Variants in BBX observed in about 807,000 individuals in gnomAD.
BBX encodes the protein HMG box transcription factor BBX.
In BBX, 30 loss-of-function variants were observed where a neutral mutation model predicts 100.2. The observed-to-expected ratio is 0.30, with a 90% confidence interval of 0.22 to 0.41. The LOEUF is 0.41. Ranked by LOEUF, BBX falls within the 10% of genes least tolerant of loss-of-function variation. The probability of loss-of-function intolerance (pLI) is 1.00; values close to 1 mark genes in which losing one functional copy is unlikely to be tolerated. For synonymous variants in BBX, 376 were observed against 388.1 expected (o/e 0.97, Z 0.37); for missense variants, 1,023 against 1,129.8 (o/e 0.91, Z 1.35).
At chr3:107,672,035 A>G (rs1388402837) in intron 3 of BBX, among the ~76,000 whole-genome samples, 1 of 152,038 alleles carries the variant, frequency 6.6e-6, no homozygotes, top group Non-Finnish European at 1.5e-5. Flanking sequence ...TGATATCCAC[A>G]TGTAGTGTAT....
intron 3 of BBX, among the ~76,000 whole-genome samples, chr3:107,665,458 G>C (rs2058687386): frequency 6.6e-6 from 1 of 152,080 alleles, no homozygotes; most frequent in Non-Finnish European, 1.5e-5. Flanking sequence ...CTTTGTCACT[G>C]TCTGAGCACC....
At chr3:107,754,477 T>C (rs932013288) in intron 9 of BBX, among the ~76,000 whole-genome samples, 15 of 152,210 alleles carry the variant, frequency 9.9e-5, no homozygotes, top group African/African-American at 3.6e-4. Context: ...GAAAGAGTCC[T>C]CATAACTTCC....
At chr3:107,538,925 A>G (rs1221562915) in intron 2 of BBX, among the ~76,000 whole-genome samples, 1 of 152,010 alleles carries the variant, frequency 6.6e-6, no homozygotes, top group Non-Finnish European at 1.5e-5. Context: ...GGACCACAGG[A>G]ACATGCCACC....
intron 7 of BBX, among the ~76,000 whole-genome samples, chr3:107,744,167 A>G (rs2064372007): frequency 6.6e-6 from 1 of 152,104 alleles, no homozygotes; most frequent in Non-Finnish European, 1.5e-5. Flanking sequence ...TTGAGTATCT[A>G]CATTGTGCCC....
chr3:107,574,102 T>A (rs1382735693), intron 2 of BBX, among the ~76,000 whole-genome samples: 1 of 152,252 alleles, frequency 6.6e-6, no homozygotes, highest in East Asian at 1.9e-4. Context: ...TATAAATAGA[T>A]AGTAAAAATA....
At chr3:107,661,571 G>A (rs1187595575) in intron 3 of BBX, among the ~76,000 whole-genome samples, 1 of 152,122 alleles carries the variant, frequency 6.6e-6, no homozygotes, top group South Asian at 2.1e-4. Context: ...ATGGTTGACG[G>A]TATCACAGAT....
intron 5 of BBX, 69 bp downstream of exon 5, chr3:107,716,918 A>G: frequency 1.3e-6 from 2 of 1,554,214 alleles, no homozygotes; most frequent in African/African-American, 2.7e-5. Context: ...GTCAACAAAT[A>G]TGAAGCACCT....
chr3:107,694,350 T>C (rs34546616), intron 3 of BBX, among the ~76,000 whole-genome samples: 29,338 of 116,772 alleles, frequency 0.25, 2,814 homozygotes, highest in East Asian at 0.74. Flanking sequence ...ATAGCTCTTA[T>C]TATTTTGAGA....
In BBX at chr3:107,742,035, T is replaced by G. The variant is rs949917718; in HGVS notation, c.670-2595T>G. 5.9e-5 allele frequency among the ~76,000 whole-genome samples: 9 copies of G among 152,222 alleles called. 1 individual carries two copies. The highest frequency in any genetic ancestry group is 1.4e-4 in the African/African-American group (6 of 41,470). On this transcript the variant is annotated intron_variant, in intron 7 of 17. Transcript: ENST00000325805. ...AGATTTTAGATCCCCAGAAGAAATATGTCTAACCTGTATCACACAGATTTC... is the reference window on the plus strand; with the variant it reads ...AGATTTTAGATCCCCAGAAGAAATAGGTCTAACCTGTATCACACAGATTTC...
At chr3:107,558,613 G>T (rs772348006) in intron 2 of BBX, among the ~76,000 whole-genome samples, 1 of 152,164 alleles carries the variant, frequency 6.6e-6, no homozygotes, top group African/African-American at 2.4e-5. Flanking sequence ...TGGGCAAGTT[G>T]GCTCTCAAGC....
chr3:107,727,662 A>G (rs544523862), intron 5 of BBX, among the ~76,000 whole-genome samples: 1 of 152,270 alleles, frequency 6.6e-6, no homozygotes, highest in Non-Finnish European at 1.5e-5. Flanking sequence ...TATCTATATT[A>G]CAGTTTTCAT....
rs115077155 is a variant in BBX, at chr3:107,582,771, G to A, written c.-84+56373G>A. ...TAGTTTTAAAATTTTTTAATGTAAC[G>A]GTTAGATTTAAACTTTTCAATAATG... On this transcript the variant is annotated intron_variant, in intron 2 of 17. Coordinates refer to ENST00000325805, the MANE Select transcript of BBX (RefSeq NM_001142568.3). Among the ~76,000 whole-genome samples, 643 of 151,972 alleles carry A rather than the reference G, an allele frequency of 4.2e-3. 5 individuals carry two copies. The highest frequency in any genetic ancestry group is 0.015 in the African/African-American group (618 of 41,480).
intron 3 of BBX, among the ~76,000 whole-genome samples, chr3:107,696,120 A>G (rs1214426588): frequency 1.3e-5 from 2 of 151,748 alleles, no homozygotes; most frequent in East Asian, 3.8e-4. Flanking sequence ...TCCTGAATAT[A>G]GCACACTGAT....
chr3:107,697,636 A>C (rs906961107), intron 3 of BBX, among the ~76,000 whole-genome samples: 3 of 151,870 alleles, frequency 2.0e-5, no homozygotes, highest in Non-Finnish European at 4.4e-5. Context: ...TGAGGAGGTT[A>C]CTGCTGTCTT....
rs760152857 is a variant in BBX at position 107,798,525 on chromosome 3, A to T, written c.2356A>T (p.Ile786Leu). 2 of 1,613,650 alleles carry T rather than the reference A, an allele frequency of 1.2e-6. No homozygotes were observed. The highest frequency in any genetic ancestry group is 2.2e-5 in the South Asian group (2 of 91,068). ...ATGCATGGTATTTCCTATTTCAGCC[A>T]TATTTTCAGAAGACAGAAACACCAT... ...FLDAIHPTEA[I>L]FSEDRNTMEP... The change falls in exon 16 of 18, where the codon ATA becomes TTA. Residue 786 changes from isoleucine to leucine, a missense_variant and splice_region_variant. Physicochemically the swap from Ile to Leu is conservative, Grantham distance 5. Transcript: ENST00000325805.
At position 107,737,283 on chromosome 3, in the gene BBX, A is replaced by G. The variant is rs190584906; in HGVS notation, c.669+4260A>G. 9.0e-5 allele frequency among the ~76,000 whole-genome samples: 12 copies of G among 133,370 alleles called. No homozygotes were observed. The East Asian group carries it at 2.7e-3, about 30-fold the overall frequency. 87.5% of individuals were successfully genotyped at this position (133,370 alleles called of 152,430 possible). On this transcript the variant is annotated intron_variant, in intron 7 of 17. Coordinates refer to ENST00000325805, the MANE Select transcript of BBX (RefSeq NM_001142568.3). Reference sequence around the variant, plus strand: ...CTCCCACAGGCTGATACGCTTTACCAGCAACATGCATACATACACACAGAG... The same window carrying G: ...CTCCCACAGGCTGATACGCTTTACCGGCAACATGCATACATACACACAGAG...
intron 3 of BBX, among the ~76,000 whole-genome samples, chr3:107,648,178 A>T (rs552400374): frequency 6.6e-6 from 1 of 152,310 alleles, no homozygotes; most frequent in East Asian, 1.9e-4. Context: ...TCTGTTTAAC[A>T]TGTCAAATTG....
chr3:107,771,221 G>A (rs1213132124), intron 10 of BBX, among the ~76,000 whole-genome samples: 1 of 152,080 alleles, frequency 6.6e-6, no homozygotes, highest in Non-Finnish European at 1.5e-5. Context: ...CTCCATGGGG[G>A]CTGGCATTTT....
Position 107,805,659 on chromosome 3 carries a change from G to T in BBX, c.*202G>T, listed in dbSNP as rs2071014445. 1.0e-6 allele frequency: 1 copy of T among 974,626 alleles called. No individual in the cohort carries two copies. The highest frequency in any genetic ancestry group is 1.5e-6 in the Non-Finnish European group (1 of 671,574). The allele number at this position is 974,626 out of a possible 1,614,324, so 60.4% of individuals were successfully genotyped here. A position where few individuals can be genotyped will look rare whatever the true frequency, so the allele number is the denominator to read the frequency against. ...CAGAACCCAGAATCTTTGAGGGTAA[G>T]GTTATCTGTCTGATACTGAGCAGAA... On this transcript the variant is annotated 3_prime_UTR_variant, in exon 18 of 18. Coordinates refer to ENST00000325805, the MANE Select transcript of BBX (RefSeq NM_001142568.3).
Sources: allele counts gnomAD v4.1 joint callset (sites outside exome capture counted in the v4.1 genomes callset), GRCh38; gene constraint gnomAD v4.1.1; transcripts MANE v1.5; gene names NCBI Gene and HGNC (gene_info 2026-07-23, HGNC 2026-07-21).